MON2: variants seen among roughly 807,000 people sequenced by gnomAD.
MON2 encodes the protein protein MON2 homolog.
A neutral mutation model predicts 208.6 loss-of-function variants in MON2; 84 were observed. The observed-to-expected ratio is 0.40, with a 90% CI of 0.34 to 0.48. The LOEUF (loss-of-function observed/expected upper bound fraction) is 0.48, where lower values mean the gene tolerates loss of function less well. Among genes scored for constraint, MON2 ranks in the 20% least tolerant of loss-of-function variants. MON2 has a pLI of 0.59. For synonymous variants in MON2, 660 were observed against 694.0 expected, an observed-to-expected ratio of 0.95 and a Z score of 0.77; for missense variants, 1,611 against 2,015.4, an observed-to-expected ratio of 0.80 and a Z score of 3.84.
intron 1 of MON2, 21 bp from the exon 2 acceptor site, chr12:62,484,149 T>G (rs1169235494): frequency 6.4e-7 from 1 of 1,552,786 alleles, no homozygotes; most frequent in African/African-American, 1.4e-5. Context: ...TTTTGTGTTC[T>G]AATTATTTTT....
chr12:62,493,008 CACACACAG>C (rs2070256513), intron 2 of MON2, among the ~76,000 whole-genome samples: 1 of 150,374 alleles, frequency 6.7e-6, no homozygotes, highest in African/African-American at 2.4e-5. Context: ...ACCAAAAAGA[CACACACAG>C]ACACACACAC....
intron 8 of MON2, among the ~76,000 whole-genome samples, chr12:62,524,221 G>C (rs537484474): frequency 6.6e-6 from 1 of 152,230 alleles, no homozygotes; most frequent in South Asian, 2.1e-4. Flanking sequence ...AATGGAGATG[G>C]CATGATGGTA....
At chr12:62,537,507 A>G (rs2073031754) in intron 15 of MON2, 95 bp from the exon 16 acceptor site, 5 of 951,834 alleles carry the variant, frequency 5.3e-6, no homozygotes, top group Admixed American at 2.9e-5. Flanking sequence ...TTTTTTCTTT[A>G]AAAAAATCTT....
In MON2 at chr12:62,596,992, C is replaced by T. The variant is rs1451637524; in HGVS notation, c.*4243C>T. 1 of 152,158 alleles carries T rather than the reference C, an allele frequency of 6.6e-6. No individual in the cohort carries two copies. Among genetic ancestry groups the T allele is most frequent in the African/African-American group, 2.4e-5 (1 of 41,442 alleles). The allele number at this position is 152,158 out of a possible 1,614,324, so 9.4% of individuals were successfully genotyped here. A position where few individuals can be genotyped will look rare whatever the true frequency, so the allele number is the denominator to read the frequency against. Reference sequence around the variant, plus strand: ...GCAATGATGGACAGAGATGCTACTTCTTATTTAACTCTAGGCATGTTGACT... The same window carrying T: ...GCAATGATGGACAGAGATGCTACTTTTTATTTAACTCTAGGCATGTTGACT... On this transcript the variant is annotated 3_prime_UTR_variant, in exon 35 of 35. Transcript: ENST00000393630.
chr12:62,492,716 C>T (rs2070230135), intron 2 of MON2, among the ~76,000 whole-genome samples: 1 of 148,222 alleles, frequency 6.7e-6, no homozygotes, highest in Admixed American at 6.7e-5. Context: ...CACGGTGGCT[C>T]ACGCCTGTAA....
chr12:62,468,691 ATTTTTTTT>A (rs1565945165), intron 1 of MON2, among the ~76,000 whole-genome samples: 6 of 151,934 alleles, frequency 3.9e-5, no homozygotes, highest in African/African-American at 1.4e-4. Flanking sequence ...ATTGATTTTC[ATTTTTTTT>A]ATATCCTCTG....
chr12:62,588,751 C>A, intron 34 of MON2: 1 of 592,858 alleles, frequency 1.7e-6, no homozygotes, highest in South Asian at 2.5e-5. Context: ...CCATTCTAGT[C>A]ACACTTTATT....
intron 4 of MON2, among the ~76,000 whole-genome samples, chr12:62,495,402 A>G (rs2070412619): frequency 3.9e-5 from 6 of 152,156 alleles, no homozygotes; most frequent in Admixed American, 3.9e-4. Context: ...TGGAAAAAAG[A>G]GAGAAAGTAG....
chr12:62,513,185 C>G (rs11520127), intron 8 of MON2, among the ~76,000 whole-genome samples: 17,492 of 152,216 alleles, frequency 0.11, 1,279 homozygotes, highest in Middle Eastern at 0.25. Context: ...ATGCAAATCT[C>G]TACAGCCAGC....
At chr12:62,547,105 G>A (rs1156308539) in intron 22 of MON2, 33 bp downstream of exon 22, 3 of 1,300,788 alleles carry the variant, frequency 2.3e-6, no homozygotes, top group Non-Finnish European at 3.0e-6. Flanking sequence ...GAAAAAATAT[G>A]TATGAAAAAT....
chr12:62,584,662 C>T (rs1317157617), intron 32 of MON2, among the ~76,000 whole-genome samples: 1 of 143,038 alleles, frequency 7.0e-6, no homozygotes, highest in Non-Finnish European at 1.5e-5. Context: ...AAGATTACAC[C>T]ACTGCACTCC....
rs527345436 is a variant in MON2, at chr12:62,521,575, G to T, written c.985-2940G>T. ...GAATGACTACCCTAGAGAATTATGT[G>T]CTTCCCAGTATTCACCAGGTTATCT... is the stretch of plus-strand genomic sequence containing the variant. On this transcript the variant is annotated intron_variant, in intron 8 of 34. Coordinates refer to ENST00000393630, the MANE Select transcript of MON2 (RefSeq NM_015026.3). Among the ~76,000 whole-genome samples, 33 of 152,250 alleles carry T rather than the reference G, an allele frequency of 2.2e-4. No homozygotes were observed. In the South Asian group the frequency reaches 6.4e-3, roughly 30 times the overall value.
At position 62,530,227 on chromosome 12, in the gene MON2, A is replaced by ATT. The variant is rs144345618; in HGVS notation, c.1401-2191_1401-2190dup. Among the ~76,000 whole-genome samples the ATT allele has an allele frequency of 4.2e-3, 528 of 126,208 alleles. 11 individuals carry two copies. Among genetic ancestry groups the ATT allele is most frequent in the African/African-American group, 0.013 (422 of 32,056 alleles). 82.8% of individuals were successfully genotyped at this position (126,208 alleles called of 152,430 possible). ...CTTTTTTAGCTCCCACATCAGTATA[A>ATT]TTTTTTTTTTTTTTTTTTTTTGAGA... On this transcript the variant is annotated intron_variant, in intron 11 of 34. Transcript: ENST00000393630.
At chr12:62,498,555 T>C (rs2070664973) in intron 4 of MON2, among the ~76,000 whole-genome samples, 1 of 152,178 alleles carries the variant, frequency 6.6e-6, no homozygotes, top group Admixed American at 6.5e-5. Flanking sequence ...TTTCATAATT[T>C]TATTTATTTA....
intron 1 of MON2, chr12:62,470,596 C>T (rs1592789948): frequency 2.9e-6 from 1 of 342,078 alleles, no homozygotes; most frequent in South Asian, 8.0e-5. Context: ...TCCATGATCA[C>T]TTCTATGTGA....
chr12:62,545,110 G>T, intron 21 of MON2, 102 bp downstream of exon 21: 2 of 658,398 alleles, frequency 3.0e-6, no homozygotes. Flanking sequence ...TAAGAGTAGG[G>T]TTTTTAACTT....
At chr12:62,513,422 C>T (rs11495588) in intron 8 of MON2, among the ~76,000 whole-genome samples, 73,801 of 151,446 alleles carry the variant, frequency 0.49, 18,285 homozygotes, top group Middle Eastern at 0.61. Flanking sequence ...GACCGGGTTT[C>T]GCCATGTTGG....
chr12:62,518,485 T>A (rs78035939), intron 8 of MON2, among the ~76,000 whole-genome samples: 2 of 152,194 alleles, frequency 1.3e-5, no homozygotes, highest in Admixed American at 1.3e-4. Flanking sequence ...AACACACTTT[T>A]AACCCCACTA....
chr12:62,554,954 C>T (rs1004710558), intron 24 of MON2, among the ~76,000 whole-genome samples: 2 of 151,300 alleles, frequency 1.3e-5, no homozygotes, highest in African/African-American at 4.9e-5. Flanking sequence ...GCCACCACAC[C>T]CGGCTAATTT....
Sources: allele counts gnomAD v4.1 joint callset (sites outside exome capture counted in the v4.1 genomes callset), GRCh38; gene constraint gnomAD v4.1.1; transcripts MANE v1.5; gene names NCBI Gene and HGNC (gene_info 2026-07-23, HGNC 2026-07-21).